The following TUBB2A variants were observed in gnomAD, a reference collection of about 807,000 sequenced individuals.
TUBB2A encodes the protein tubulin beta 2A class IIa.
TUBB2A carries 7 observed loss-of-function variants against 33.9 expected under a neutral mutation model. That is an observed-to-expected ratio of 0.21 (90% CI 0.12 to 0.39). TUBB2A has a LOEUF of 0.39. Ranked by LOEUF, TUBB2A falls within the 10% of genes least tolerant of loss-of-function variation. The pLI is 1.00. For synonymous variants in TUBB2A, 187 were observed against 247.6 expected (o/e 0.76, Z 2.30); for missense variants, 80 against 593.4 (o/e 0.13, Z 8.99).
At position 3,154,304 on chromosome 6, in the gene TUBB2A, C is replaced by T; in HGVS notation, c.897G>A (p.Met299Ile). ...CGTGGCGCGGGTCGCAGGCGGCCAT[C>T]ATGTTCTTGGAGTCGAACATCTGCT... ...LTQQMFDSKN[M>I]MAACDPRHGR... is the part of the protein sequence containing the mutation. The change falls in exon 4 of 4, where the codon ATG becomes ATA. Residue 299 changes from methionine (M) to isoleucine (I), a missense_variant. By Grantham distance (10) the Met-to-Ile change is conservative. This residue lies in a region of TUBB2A where 25 missense variants were observed against 350.5 expected (regional missense o/e 0.07). Transcript: ENST00000333628. 1.1e-6 allele frequency: 1 copy of T among 918,414 alleles called. No individual in the cohort carries two copies. The allele number at this position is 918,414 out of a possible 1,614,324, so 56.9% of individuals were successfully genotyped here.
At position 3,157,520 on chromosome 6, in the gene TUBB2A, G is replaced by C. The variant is rs1384964155; in HGVS notation, c.-57C>G. On this transcript the variant is annotated 5_prime_UTR_variant, in exon 1 of 4. Coordinates refer to ENST00000333628, the MANE Select transcript of TUBB2A (RefSeq NM_001069.3). ...CTCGGAGCGGTGCGCGGCGTGGACC[G>C]GCGGGCTGGGCTGCGCAGAGACCTG... is the stretch of plus-strand genomic sequence containing the variant. 4.2e-6 allele frequency: 6 copies of C among 1,428,504 alleles called. No homozygotes were observed. Among genetic ancestry groups the C allele is most frequent in the South Asian group, 1.4e-5 (1 of 70,632 alleles). The allele number at this position is 1,428,504 out of a possible 1,614,324, so 88.5% of individuals were successfully genotyped here.
At position 3,155,638 on chromosome 6, in the gene TUBB2A, G is replaced by A. The variant is rs1313082643; in HGVS notation, c.264C>T (p.Asp88=). The A allele has an allele frequency of 1.9e-6, 3 of 1,612,852 alleles. No homozygotes were observed. The East Asian group carries it at 6.7e-5, about 36-fold the overall frequency. The stretch of plus-strand genomic sequence containing the variant: ...ATGACTACATACCGAACACGAAGTT[G>A]TCTGGTCTGAAGATCTGGCCGAAGG... ...SGPFGQIFRP[D]NFVFGQSGAG... Residue 88 remains aspartate (D), a synonymous_variant, in exon 3 of 4, where the codon GAC becomes GAT. Transcript: ENST00000333628. This position sits in a 1 kb window ranked among gnomAD's most constrained non-coding sequence, Gnocchi z 4.2.
Position 3,153,742 on chromosome 6 carries a change from T to C in TUBB2A, c.*121A>G. The C allele has an allele frequency of 6.9e-7, 1 of 1,448,192 alleles. No individual in the cohort carries two copies. Among genetic ancestry groups the C allele is most frequent in the East Asian group, 2.4e-5 (1 of 41,912 alleles). 89.7% of individuals were successfully genotyped at this position (1,448,192 alleles called of 1,614,324 possible). A position where few individuals can be genotyped will look rare whatever the true frequency, so the allele number is the denominator to read the frequency against. On this transcript the variant is annotated 3_prime_UTR_variant, in exon 4 of 4. Coordinates refer to ENST00000333628, the MANE Select transcript of TUBB2A (RefSeq NM_001069.3). ...TAATTTTTAGAGGAGTTCCACATCA[T>C]TACATCAACAGTGTGAATTTCTAAC...
rs1466347861 is a variant in TUBB2A at position 3,157,541 on chromosome 6, A to T, written c.-78T>A. The T allele has an allele frequency of 1.5e-6, 2 of 1,372,354 alleles. No homozygotes were observed. The highest frequency in any genetic ancestry group is 1.5e-5 in the African/African-American group (1 of 65,270). The allele number at this position is 1,372,354 out of a possible 1,614,324, so 85.0% of individuals were successfully genotyped here. A position where few individuals can be genotyped will look rare whatever the true frequency, so the allele number is the denominator to read the frequency against. On this transcript the variant is annotated 5_prime_UTR_variant, in exon 1 of 4. Coordinates refer to ENST00000333628, the MANE Select transcript of TUBB2A (RefSeq NM_001069.3). ...GACCGGCGGGCTGGGCTGCGCAGAG[A>T]CCTGCCGCCGCCCCCCCAGCTCGGT...
At position 3,155,789 on chromosome 6, in the gene TUBB2A, G is replaced by T. The variant is rs191463104; in HGVS notation, c.167-54C>A. ...TGTGCTTGGGGAGGGACTCACAGCA[G>T]CATTCAATTCCAGCATCTGAGACAA... On this transcript the variant is annotated intron_variant, in intron 2 of 3. Transcript: ENST00000333628. This position sits in a 1 kb window ranked among gnomAD's most constrained non-coding sequence, Gnocchi z 4.2. 1.2e-5 allele frequency: 17 copies of T among 1,470,522 alleles called. No homozygotes were observed. In the African/African-American group the frequency reaches 1.8e-4, roughly 16 times the overall value. The allele number at this position is 1,470,522 out of a possible 1,614,324, so 91.1% of individuals were successfully genotyped here. A position where few individuals can be genotyped will look rare whatever the true frequency, so the allele number is the denominator to read the frequency against.
At position 3,155,155 on chromosome 6, in the gene TUBB2A, G is replaced by T; in HGVS notation, c.278-232C>A. The T allele has an allele frequency of 8.2e-7, 1 of 1,223,454 alleles. No individual in the cohort carries two copies. Among genetic ancestry groups the T allele is most frequent in the Non-Finnish European group, 1.1e-6 (1 of 904,126 alleles). 75.8% of individuals were successfully genotyped at this position (1,223,454 alleles called of 1,614,324 possible). On this transcript the variant is annotated intron_variant, in intron 3 of 3. Coordinates refer to ENST00000333628, the MANE Select transcript of TUBB2A (RefSeq NM_001069.3). This position sits in a 1 kb window ranked among gnomAD's most constrained non-coding sequence, Gnocchi z 4.2. ...TCATCTGAGGCTATTGATTGAGGAA[G>T]AGGATAGGGTTAGAAAACTTAATTG...
Position 3,155,587 on chromosome 6 carries a change from T to A in TUBB2A, c.277+38A>T. ...TTGCAGGGCTGTTAGGAAGAAGGTG[T>A]GTCATTTGGCCAGTTCCCAGTGATC... is the stretch of plus-strand genomic sequence containing the variant. On this transcript the variant is annotated intron_variant, in intron 3 of 3. Transcript: ENST00000333628. The surrounding 1 kb of genome is among the most constrained non-coding windows in gnomAD (Gnocchi z 4.2). 1 of 1,497,354 alleles carries A rather than the reference T, an allele frequency of 6.7e-7. No homozygotes were observed. The highest frequency in any genetic ancestry group is 9.2e-7 in the Non-Finnish European group (1 of 1,081,320). 92.8% of individuals were successfully genotyped at this position (1,497,354 alleles called of 1,614,324 possible).
intron 1 of TUBB2A, among the ~76,000 whole-genome samples, chr6:3,156,785 G>A (rs1423625358): frequency 6.6e-6 from 1 of 152,124 alleles, no homozygotes; most frequent in Non-Finnish European, 1.5e-5. Context: ...GCAACATGGC[G>A]GTTCTCAAAG....
Position 3,155,010 on chromosome 6 carries a change from G to C in TUBB2A, c.278-87C>G, listed in dbSNP as rs1259443134. 6.3e-7 allele frequency: 1 copy of C among 1,576,286 alleles called. No homozygotes were observed. Among genetic ancestry groups the C allele is most frequent in the African/African-American group, 1.4e-5 (1 of 73,864 alleles). On this transcript the variant is annotated intron_variant, in intron 3 of 3. Transcript: ENST00000333628. This position sits in a 1 kb window ranked among gnomAD's most constrained non-coding sequence, Gnocchi z 4.2. ...TGACTATGGAGGAGAAGGTAGGACT[G>C]GTCTTAGACTGGCAGATTCTTCTCT...
intron 1 of TUBB2A, among the ~76,000 whole-genome samples, chr6:3,157,079 A>C (rs952516336): frequency 6.6e-6 from 1 of 152,236 alleles, no homozygotes; most frequent in African/African-American, 2.4e-5. Flanking sequence ...AAAATATACA[A>C]ATTAAATTCA....
chr6:3,156,245 T>C, intron 1 of TUBB2A, 93 bp from the exon 2 acceptor site: 1 of 1,360,246 alleles, frequency 7.4e-7, no homozygotes, highest in Non-Finnish European at 1.0e-6. Flanking sequence ...AACAGGGGCT[T>C]TTGTGGTCAG....
rs1388105407 is a variant in TUBB2A at position 3,155,457 on chromosome 6, T to A, written c.277+168A>T. ...GCAGCAGCCCTCTGCAGGCTGGCGT[T>A]GATCTGTGAGCCATGACCACCCATG... On this transcript the variant is annotated intron_variant, in intron 3 of 3. Coordinates refer to ENST00000333628, the MANE Select transcript of TUBB2A (RefSeq NM_001069.3). The surrounding 1 kb of genome is among the most constrained non-coding windows in gnomAD (Gnocchi z 4.2). Among the ~76,000 whole-genome samples, 1 of 152,236 alleles carries A rather than the reference T, an allele frequency of 6.6e-6. No individual in the cohort carries two copies. The highest frequency in any genetic ancestry group is 2.4e-5 in the African/African-American group (1 of 41,468).
chr6:3,154,229 C>T lies in TUBB2A; in HGVS notation c.972G>A (p.Lys324=). ...CGTTGAGCATCTGCTCGTCCACCTCCTTCATGGACATGCGGCCCCGGAAGA... is the reference window on the plus strand; with the variant it reads ...CGTTGAGCATCTGCTCGTCCACCTCTTTCATGGACATGCGGCCCCGGAAGA... ...AAIFRGRMSM[K]EVDEQMLNVQ... The change falls in exon 4 of 4, where the codon AAG becomes AAA. Residue 324 remains lysine, a synonymous_variant. Transcript: ENST00000333628. The T allele has an allele frequency of 1.4e-6, 1 of 728,726 alleles. No homozygotes were observed. Among genetic ancestry groups the T allele is most frequent in the Non-Finnish European group, 2.1e-6 (1 of 482,878 alleles). 45.1% of individuals were successfully genotyped at this position (728,726 alleles called of 1,614,324 possible). A position where few individuals can be genotyped will look rare whatever the true frequency, so the allele number is the denominator to read the frequency against.
Position 3,154,182 on chromosome 6 carries a change from T to A in TUBB2A, c.1019A>T (p.Tyr340Phe). The A allele has an allele frequency of 1.2e-6, 1 of 806,642 alleles. No individual in the cohort carries two copies. Among genetic ancestry groups the A allele is most frequent in the East Asian group, 2.8e-5 (1 of 35,914 alleles). 50.0% of individuals were successfully genotyped at this position (806,642 alleles called of 1,614,324 possible). The change falls in exon 4 of 4, where the codon TAC becomes TTC. Residue 340 changes from tyrosine (Y) to phenylalanine (F), a missense_variant. Coordinates refer to ENST00000333628, the MANE Select transcript of TUBB2A (RefSeq NM_001069.3). Reference sequence around the variant, plus strand: ...GTTGTTGGGGATCCACTCCACGAAGTAGCTGCTGTTCTTGTTCTGCACGTT... The same window carrying A: ...GTTGTTGGGGATCCACTCCACGAAGAAGCTGCTGTTCTTGTTCTGCACGTT... ...MLNVQNKNSS[Y>F]FVEWIPNNVK...
In TUBB2A at chr6:3,157,458, G is replaced by A; in HGVS notation, c.6C>T (p.Arg2=). The A allele has an allele frequency of 1.3e-6, 2 of 1,539,806 alleles. No homozygotes were observed. The highest frequency in any genetic ancestry group is 1.7e-6 in the Non-Finnish European group (2 of 1,149,674). ...GGCCCGCCTGGATGTGCACGATCTCGCGCATGGTGCCGGCTGCGGAGCGGG... is the reference window on the plus strand; with the variant it reads ...GGCCCGCCTGGATGTGCACGATCTCACGCATGGTGCCGGCTGCGGAGCGGG... M[R]EIVHIQAGQC... is the part of the protein sequence containing the mutation. The change falls in exon 1 of 4, where the codon CGC becomes CGT. Residue 2 remains arginine, a synonymous_variant. Coordinates refer to ENST00000333628, the MANE Select transcript of TUBB2A (RefSeq NM_001069.3).
rs1303784507 is a variant in TUBB2A at position 3,154,883 on chromosome 6, G to A, written c.318C>T (p.Tyr106=). Residue 106 remains tyrosine (Y), a synonymous_variant, in exon 4 of 4, where the codon TAC becomes TAT. Transcript: ENST00000333628. ...AGTCGACCAGCTCGGCTCCCTCTGTGTAGTGGCCCTTGGCCCAGTTATTCC... is the reference window on the plus strand; with the variant it reads ...AGTCGACCAGCTCGGCTCCCTCTGTATAGTGGCCCTTGGCCCAGTTATTCC... ...GAGNNWAKGH[Y]TEGAELVDSV... The A allele has an allele frequency of 1.9e-6, 3 of 1,613,786 alleles. No homozygotes were observed. Among genetic ancestry groups the A allele is most frequent in the Non-Finnish European group, 2.5e-6 (3 of 1,179,970 alleles).
At position 3,155,067 on chromosome 6, in the gene TUBB2A, T is replaced by C; in HGVS notation, c.278-144A>G. On this transcript the variant is annotated intron_variant, in intron 3 of 3. Coordinates refer to ENST00000333628, the MANE Select transcript of TUBB2A (RefSeq NM_001069.3). The surrounding 1 kb of genome is among the most constrained non-coding windows in gnomAD (Gnocchi z 4.2). The stretch of plus-strand genomic sequence containing the variant: ...TACTCTTCTTTTACCTGAAGAAATA[T>C]TTTTCTATGTCAGTGACCTCAAAAA... 6.7e-7 allele frequency: 1 copy of C among 1,498,764 alleles called. No individual in the cohort carries two copies. The highest frequency in any genetic ancestry group is 2.2e-5 in the Admixed American group (1 of 45,064). The allele number at this position is 1,498,764 out of a possible 1,614,324, so 92.8% of individuals were successfully genotyped here.
Position 3,153,968 on chromosome 6 carries a change from G to A in TUBB2A, c.1233C>T (p.Ala411=), listed in dbSNP as rs1762590907. ...ACACCAGGTCGTTCATGTTGCTCTCGGCCTCGGTGAACTCCATCTCGTCCA... is the reference window on the plus strand; with the variant it reads ...ACACCAGGTCGTTCATGTTGCTCTCAGCCTCGGTGAACTCCATCTCGTCCA... ...EGMDEMEFTE[A]ESNMNDLVSE... The change falls in exon 4 of 4, where the codon GCC becomes GCT. Residue 411 remains alanine, a synonymous_variant. Transcript: ENST00000333628. 1 of 1,609,034 alleles carries A rather than the reference G, an allele frequency of 6.2e-7. No homozygotes were observed. Among genetic ancestry groups the A allele is most frequent in the Non-Finnish European group, 8.5e-7 (1 of 1,178,590 alleles).
rs961197393 is a variant in TUBB2A at position 3,155,087 on chromosome 6, CA to C, written c.278-165del. ...AAATATTTTTCTATGTCAGTGACCTCAAAAACACTGGGGATCATAATAAAGT... is the reference window on the plus strand; with the variant it reads ...AAATATTTTTCTATGTCAGTGACCTCAAAACACTGGGGATCATAATAAAGT... On this transcript the variant is annotated intron_variant, in intron 3 of 3. Coordinates refer to ENST00000333628, the MANE Select transcript of TUBB2A (RefSeq NM_001069.3). This position sits in a 1 kb window ranked among gnomAD's most constrained non-coding sequence, Gnocchi z 4.2. 7.5e-6 allele frequency: 11 copies of C among 1,471,094 alleles called. No individual in the cohort carries two copies. In the African/African-American group the frequency reaches 1.6e-4, roughly 21 times the overall value. The allele number at this position is 1,471,094 out of a possible 1,614,324, so 91.1% of individuals were successfully genotyped here.
Sources: gnomAD v4.1 joint callset for allele counts (sites outside exome capture counted in the v4.1 genomes callset) on GRCh38, gnomAD v4.1.1 for gene constraint, gnomAD v4.1.1 regional missense constraint, Gnocchi (gnomAD v3.1) non-coding constraint, MANE v1.5 for transcripts, NCBI Gene and HGNC (gene_info 2026-07-23, HGNC 2026-07-21) for gene names.